The following HECW2 variants were observed in gnomAD, a reference collection of about 807,000 sequenced individuals.
HECW2 encodes HECT, C2 and WW domain containing E3 ubiquitin protein ligase 2.
HECW2 carries 61 observed loss-of-function variants against 175.2 expected under a neutral mutation model. The observed-to-expected ratio is 0.35, with a 90% CI of 0.28 to 0.43. The LOEUF is 0.43. Among genes scored for constraint, HECW2 ranks in the 20% least tolerant of loss-of-function variants. HECW2 has a pLI of 1.00. For missense variants in HECW2, 1,524 were observed against 2,000.5 expected (o/e 0.76, Z 4.54); for synonymous variants, 671 against 731.0 (o/e 0.92, Z 1.32).
Position 196,278,570 on chromosome 2 carries a change from A to G in HECW2, c.3093T>C (p.His1031=), listed in dbSNP as rs777721174. 1.2e-6 allele frequency: 2 copies of G among 1,613,996 alleles called. No homozygotes were observed. The highest frequency in any genetic ancestry group is 1.7e-6 in the Non-Finnish European group (2 of 1,180,018). The change falls in exon 15 of 29, where the codon CAT becomes CAC. Residue 1031 remains histidine (H), a synonymous_variant. Coordinates refer to ENST00000644978, the MANE Select transcript of HECW2 (RefSeq NM_001348768.2). ...TGCGTTGCCTTGTCAGGTGTTGCCGATGAACCAGCGCACTTGTGGGTCTAC... is the reference window on the plus strand; with the variant it reads ...TGCGTTGCCTTGTCAGGTGTTGCCGGTGAACCAGCGCACTTGTGGGTCTAC... ...QSSRPTSALV[H]RQHLTRQRSH...
chr2:196,521,451 TTCA>T (rs1320200022), intron 1 of HECW2, among the ~76,000 whole-genome samples: 2 of 151,976 alleles, frequency 1.3e-5, no homozygotes, highest in Non-Finnish European at 2.9e-5. Context: ...CTTGAATCCC[TTCA>T]TTTTATTTTA....
chr2:196,241,388 A>G (rs1688448053), intron 20 of HECW2, among the ~76,000 whole-genome samples: 1 of 152,182 alleles, frequency 6.6e-6, no homozygotes, highest in Non-Finnish European at 1.5e-5. Context: ...GCAGTGAGCC[A>G]TGGGGCTGCT....
intron 1 of HECW2, among the ~76,000 whole-genome samples, chr2:196,482,032 G>A (rs560005032): frequency 3.3e-5 from 5 of 152,302 alleles, no homozygotes; most frequent in African/African-American, 7.2e-5. Context: ...AAATAAAAAT[G>A]TGAGTTTCCT....
At chr2:196,349,532 T>TGTGTGC (rs1693093486) in intron 2 of HECW2, among the ~76,000 whole-genome samples, 1 of 151,878 alleles carries the variant, frequency 6.6e-6, no homozygotes, top group African/African-American at 2.4e-5. Context: ...TGTGTGTGTG[T>TGTGTGC]GTGTGTGCGC....
chr2:196,533,442 C>T (rs1044743341), intron 1 of HECW2, among the ~76,000 whole-genome samples: 1 of 152,130 alleles, frequency 6.6e-6, no homozygotes, highest in Admixed American at 6.5e-5. Flanking sequence ...TGAATCACAA[C>T]AGCCAAGAGA....
Position 196,302,218 on chromosome 2 carries a change from G to C in HECW2, c.2814+4270C>G, listed in dbSNP as rs578175955. ...GTTGTAGGTGTGCAGTCTTATTTCT[G>C]AGTTTTCTATTCTGTTCCATTGGTC... On this transcript the variant is annotated intron_variant, in intron 13 of 28. Coordinates refer to ENST00000644978, the MANE Select transcript of HECW2 (RefSeq NM_001348768.2). Among the ~76,000 whole-genome samples, 23 of 152,232 alleles carry C rather than the reference G, an allele frequency of 1.5e-4. 1 individual carries two copies. The South Asian group carries it at 4.8e-3, about 32-fold the overall frequency.
rs147968603 is a variant in HECW2 at position 196,420,166 on chromosome 2, C to T, written c.292+12966G>A. ...ATGAAAATGTGGAAGAATCCCTTAA[C>T]GTCACCACTAAATCTGAGTTACAAT... On this transcript the variant is annotated intron_variant, in intron 2 of 28. Transcript: ENST00000644978. Among the ~76,000 whole-genome samples, 306 of 152,286 alleles carry T rather than the reference C, an allele frequency of 2.0e-3. 2 individuals carry two copies. Among genetic ancestry groups the T allele is most frequent in the Non-Finnish European group, 9.1e-4 (62 of 68,022 alleles).
chr2:196,544,875 G>A (rs982778809), intron 1 of HECW2, among the ~76,000 whole-genome samples: 1 of 152,192 alleles, frequency 6.6e-6, no homozygotes. Context: ...GCAGGACCTC[G>A]AACCTCATAC....
intron 1 of HECW2, among the ~76,000 whole-genome samples, chr2:196,459,210 C>G (rs13016843): frequency 2.6e-5 from 4 of 152,160 alleles, no homozygotes; most frequent in African/African-American, 4.8e-5. Context: ...GGGAAGGCAT[C>G]TTTGAGGCAG....
intron 28 of HECW2, among the ~76,000 whole-genome samples, chr2:196,213,860 T>TA (rs1188327185): frequency 6.6e-6 from 1 of 152,118 alleles, no homozygotes; most frequent in Non-Finnish European, 1.5e-5. Flanking sequence ...CCCAACCTAA[T>TA]ATACCACCTC....
At chr2:196,321,421 T>C (rs1378442228) in intron 7 of HECW2, among the ~76,000 whole-genome samples, 5 of 146,362 alleles carry the variant, frequency 3.4e-5, no homozygotes, top group Non-Finnish European at 7.5e-5. Flanking sequence ...AGAGTCTCGC[T>C]CTGTTGCCCG....
At chr2:196,585,075 T>C (rs980548293) in intron 1 of HECW2, among the ~76,000 whole-genome samples, 9 of 152,198 alleles carry the variant, frequency 5.9e-5, no homozygotes, top group Non-Finnish European at 1.0e-4. Flanking sequence ...AATTTTCCCT[T>C]CCTTGTTTGT....
At chr2:196,476,624 T>C (rs543395796) in intron 1 of HECW2, among the ~76,000 whole-genome samples, 190 of 152,236 alleles carry the variant, frequency 1.2e-3, no homozygotes, top group African/African-American at 4.3e-3. Context: ...AACTATCAAG[T>C]AGATTTTTTT....
At chr2:196,311,860 A>T (rs1691508397) in intron 10 of HECW2, among the ~76,000 whole-genome samples, 1 of 152,044 alleles carries the variant, frequency 6.6e-6, no homozygotes, top group African/African-American at 2.4e-5. Flanking sequence ...GTGCAAGTAG[A>T]CTCTTAGACA....
chr2:196,364,082 A>G (rs972651085), intron 2 of HECW2, among the ~76,000 whole-genome samples: 9 of 152,156 alleles, frequency 5.9e-5, no homozygotes, highest in Admixed American at 4.6e-4. Flanking sequence ...AGCTCTTACT[A>G]TCACTCACTC....
intron 13 of HECW2, among the ~76,000 whole-genome samples, chr2:196,300,694 C>CTATACACATATATATA (rs60719469): frequency 1.3e-5 from 2 of 151,662 alleles, no homozygotes; most frequent in African/African-American, 2.4e-5. Flanking sequence ...ATATCTATAT[C>CTATACACATATATATA]TATACACATA....
intron 2 of HECW2, among the ~76,000 whole-genome samples, chr2:196,413,025 AG>A (rs1202602929): frequency 6.6e-6 from 1 of 152,214 alleles, no homozygotes; most frequent in Non-Finnish European, 1.5e-5. Flanking sequence ...AATCAGGTGG[AG>A]AGCTGCCCTA....
intron 2 of HECW2, among the ~76,000 whole-genome samples, chr2:196,405,984 T>A (rs1349722243): frequency 1.3e-5 from 2 of 152,206 alleles, no homozygotes; most frequent in Non-Finnish European, 2.9e-5. Flanking sequence ...TTTCTTCTAG[T>A]AGCTTCCAGG....
At position 196,238,090 on chromosome 2, in the gene HECW2, G is replaced by A. The variant is rs149976419; in HGVS notation, c.3764+2359C>T. Among the ~76,000 whole-genome samples the A allele has an allele frequency of 3.8e-3, 583 of 152,302 alleles. 2 individuals are homozygous for A. The highest frequency in any genetic ancestry group is 0.013 in the African/African-American group (558 of 41,568). ...TCCATACAAAACAAATTAGCTGGGC[G>A]TGGTGGCATGTGCCTGTAGTTCCAG... On this transcript the variant is annotated intron_variant, in intron 21 of 28. Coordinates refer to ENST00000644978, the MANE Select transcript of HECW2 (RefSeq NM_001348768.2).
Sources: gnomAD v4.1 joint callset for allele counts (sites outside exome capture counted in the v4.1 genomes callset) on GRCh38, gnomAD v4.1.1 for gene constraint, MANE v1.5 for transcripts, NCBI Gene and HGNC (gene_info 2026-07-23, HGNC 2026-07-21) for gene names.